The following HRH2 variants were observed in gnomAD, a reference collection of about 807,000 sequenced individuals.
HRH2 encodes histamine receptor H2, also known as histamine H2 receptor.
A neutral mutation model predicts 20.1 loss-of-function variants in HRH2; 4 were observed. That is an observed-to-expected ratio of 0.20 (90% CI 0.10 to 0.45). The LOEUF (loss-of-function observed/expected upper bound fraction) is 0.45. Ranked by LOEUF, HRH2 falls within the 20% of genes least tolerant of loss-of-function variation. HRH2 has a pLI of 0.99. For missense variants in HRH2, 250 were observed against 461.6 expected, an observed-to-expected ratio of 0.54 and a Z score of 4.20; for synonymous variants, 197 against 200.7, an observed-to-expected ratio of 0.98 and a Z score of 0.16.
At chr5:175,695,131 C>A (rs1457970325) in intron 2 of HRH2, among the ~76,000 whole-genome samples, 3 of 152,124 alleles carry the variant, frequency 2.0e-5, no homozygotes, top group African/African-American at 7.2e-5. Context: ...CAGCCTGCCC[C>A]ACCTGACAGG....
rs1756172983 is a variant in HRH2 at position 175,686,339 on chromosome 5, C to T, written c.1076+2030C>T. The stretch of plus-strand genomic sequence containing the variant: ...AATAAGCCGCCTTTTCAGTTGAGTC[C>T]TTAAGGGAACTTATTCATTCAATAA... On this transcript the variant is annotated intron_variant, in intron 2 of 2. Coordinates refer to ENST00000636584, the MANE Select transcript of HRH2 (RefSeq NM_001367711.1). This position sits in a 1 kb window ranked among gnomAD's most constrained non-coding sequence, Gnocchi z 4.7. 1 of 152,210 alleles carries T rather than the reference C, an allele frequency of 6.6e-6. No homozygotes were observed. The highest frequency in any genetic ancestry group is 1.5e-5 in the Non-Finnish European group (1 of 68,042). The allele number at this position is 152,210 out of a possible 1,614,324, so 9.4% of individuals were successfully genotyped here.
Position 175,665,915 on chromosome 5 carries a change from A to AG in HRH2, c.-526+7761dup, listed in dbSNP as rs56035915. On this transcript the variant is annotated intron_variant, in intron 1 of 2. Coordinates refer to ENST00000636584, the MANE Select transcript of HRH2 (RefSeq NM_001367711.1). ...ACAAGATATTTTTGGGAAAAAAAAA[A>AG]GAGCCAACAGTTTTAAATGAGATTT... Among the ~76,000 whole-genome samples, 965 of 152,306 alleles carry AG rather than the reference A, an allele frequency of 6.3e-3. 10 individuals are homozygous for AG. The highest frequency in any genetic ancestry group is 0.022 in the African/African-American group (900 of 41,570).
At chr5:175,670,427 TTGC>T (rs1755488227) in intron 1 of HRH2, among the ~76,000 whole-genome samples, 1 of 152,234 alleles carries the variant, frequency 6.6e-6, no homozygotes, top group Non-Finnish European at 1.5e-5. Flanking sequence ...GATTCCATCT[TTGC>T]TGTCCAAAAA....
intron 1 of HRH2, among the ~76,000 whole-genome samples, chr5:175,664,589 T>C (rs952994115): frequency 6.6e-6 from 1 of 151,998 alleles, no homozygotes; most frequent in Non-Finnish European, 1.5e-5. Context: ...GGCGCAGACC[T>C]TGAAAAGTCT....
At chr5:175,688,959 C>T (rs927132185) in intron 2 of HRH2, among the ~76,000 whole-genome samples, 2 of 152,136 alleles carry the variant, frequency 1.3e-5, no homozygotes, top group African/African-American at 4.8e-5. Flanking sequence ...CGGGCGTGGC[C>T]CTTCCTCATG....
In HRH2 at chr5:175,683,178, G is replaced by A; in HGVS notation, c.-56G>A. On this transcript the variant is annotated 5_prime_UTR_variant, in exon 2 of 3. Transcript: ENST00000636584. Reference sequence around the variant, plus strand: ...GGTTGGCATAGTTGTCACATTGGGAGCAGAGAAGAAGCAACCAGGGGCCCT... The same window carrying A: ...GGTTGGCATAGTTGTCACATTGGGAACAGAGAAGAAGCAACCAGGGGCCCT... The A allele has an allele frequency of 1.3e-6, 2 of 1,567,618 alleles. No individual in the cohort carries two copies. The highest frequency in any genetic ancestry group is 1.7e-6 in the Non-Finnish European group (2 of 1,154,474).
intron 2 of HRH2, among the ~76,000 whole-genome samples, chr5:175,688,552 C>T (rs1304107265): frequency 2.0e-5 from 3 of 152,244 alleles, no homozygotes; most frequent in African/African-American, 4.8e-5. Context: ...GGCGTTGTCA[C>T]GGCGTGGCCC....
chr5:175,698,399 T>G (rs1440734528), intron 2 of HRH2, among the ~76,000 whole-genome samples: 1 of 152,212 alleles, frequency 6.6e-6, no homozygotes, highest in Non-Finnish European at 1.5e-5. Context: ...GTTGCTACTG[T>G]GTGACCTGGG....
chr5:175,665,519 G>A (rs1762862672), intron 1 of HRH2, among the ~76,000 whole-genome samples: 1 of 152,178 alleles, frequency 6.6e-6, no homozygotes, highest in East Asian at 1.9e-4. Flanking sequence ...TGGCATCAGA[G>A]GGCTGTTAGA....
intron 1 of HRH2, among the ~76,000 whole-genome samples, chr5:175,682,095 C>T (rs1041415097): frequency 1.4e-4 from 21 of 152,248 alleles, no homozygotes; most frequent in African/African-American, 2.2e-4. Flanking sequence ...AGTGCAGCCA[C>T]GCTCTTCTGT....
intron 2 of HRH2, among the ~76,000 whole-genome samples, chr5:175,691,758 C>T (rs1478504917): frequency 6.6e-6 from 1 of 151,996 alleles, no homozygotes; most frequent in Non-Finnish European, 1.5e-5. Context: ...TGGCATGTGC[C>T]TGTAATTCCA....
chr5:175,667,722 T>G (rs1762948423), intron 1 of HRH2, among the ~76,000 whole-genome samples: 1 of 152,214 alleles, frequency 6.6e-6, no homozygotes. Flanking sequence ...GAAGTGATAG[T>G]AACAGCTGTA....
intron 1 of HRH2, among the ~76,000 whole-genome samples, chr5:175,670,222 C>T (rs1217364642): frequency 1.3e-5 from 2 of 152,180 alleles, no homozygotes; most frequent in Non-Finnish European, 2.9e-5. Context: ...CTCTTGAGCC[C>T]AGCAGTCCAA....
At chr5:175,673,172 C>G (rs1755620523) in intron 1 of HRH2, among the ~76,000 whole-genome samples, 1 of 152,072 alleles carries the variant, frequency 6.6e-6, no homozygotes, top group Admixed American at 6.6e-5. Context: ...AAACTTCAGG[C>G]AAGAGAGGGT....
At chr5:175,704,240 A>G (rs1182059967) in intron 2 of HRH2, among the ~76,000 whole-genome samples, 1 of 152,148 alleles carries the variant, frequency 6.6e-6, no homozygotes, top group African/African-American at 2.4e-5. Context: ...TCAGAGCATT[A>G]GAAAACATAA....
chr5:175,678,197 G>A (rs1249639348), intron 1 of HRH2, among the ~76,000 whole-genome samples: 1 of 152,232 alleles, frequency 6.6e-6, no homozygotes, highest in African/African-American at 2.4e-5. Context: ...GGGGGCTCCA[G>A]ATGTGTCTGC....
At chr5:175,660,378 A>C (rs1319998564) in intron 1 of HRH2, among the ~76,000 whole-genome samples, 1 of 152,240 alleles carries the variant, frequency 6.6e-6, no homozygotes, top group African/African-American at 2.4e-5. Flanking sequence ...ACAGTAGGGA[A>C]TCAAAATTAT....
At position 175,684,276 on chromosome 5, in the gene HRH2, C is replaced by G. The variant is rs1042118059; in HGVS notation, c.1043C>G (p.Thr348Arg). ...KPLKLQVWSGTEVTAPQGATD... is the reference protein window; with the variant it reads ...KPLKLQVWSGREVTAPQGATD... ...CTGAAGCTCCAGGTGTGGAGTGGGA[C>G]AGAAGTCACGGCCCCCCAGGGAGCC... is the stretch of plus-strand genomic sequence containing the variant. Residue 348 changes from threonine (T) to arginine (R), a missense_variant, in exon 2 of 3, where the codon ACA (threonine) becomes AGA (arginine). Thr to Arg is a moderately conservative substitution (Grantham distance 71). Coordinates refer to ENST00000636584, the MANE Select transcript of HRH2 (RefSeq NM_001367711.1). 12 of 1,614,090 alleles carry G rather than the reference C, an allele frequency of 7.4e-6. No individual in the cohort carries two copies. In the East Asian group the frequency reaches 8.9e-5, roughly 12 times the overall value.
chr5:175,682,029 C>T (rs1175414256), intron 1 of HRH2, among the ~76,000 whole-genome samples: 2 of 152,208 alleles, frequency 1.3e-5, no homozygotes, highest in African/African-American at 4.8e-5. Context: ...ATTTTTATGA[C>T]ACGTGAAAAT....
Sources: allele counts gnomAD v4.1 joint callset (sites outside exome capture counted in the v4.1 genomes callset), GRCh38; gene constraint gnomAD v4.1.1; non-coding constraint Gnocchi (gnomAD v3.1); transcripts MANE v1.5; gene names NCBI Gene and HGNC (gene_info 2026-07-23, HGNC 2026-07-21).